Variants in SAMD5 observed in about 807,000 individuals in gnomAD.
SAMD5 encodes sterile alpha motif domain-containing protein 5.
Under a neutral mutation model 11.3 loss-of-function variants are expected in SAMD5, and 13 were observed. The ratio of observed to expected loss-of-function variants is 1.15; its 90% CI spans 0.75 to 1.83. The LOEUF is 1.83. SAMD5 is among the 40% of genes most tolerant of loss of function. SAMD5 has a pLI of 0.00. For synonymous variants in SAMD5, 129 were observed against 111.3 expected (o/e 1.16, Z -1.00); for missense variants, 255 against 239.1 (o/e 1.07, Z -0.44).
chr6:147,633,523 C>A (rs1181510011), intron 1 of SAMD5, among the ~76,000 whole-genome samples: 2 of 152,074 alleles, frequency 1.3e-5, no homozygotes, highest in Non-Finnish European at 2.9e-5. Flanking sequence ...AGGGAGGAAG[C>A]TTATACCACC....
chr6:147,905,747 T>TA, the SAMD5 span, among the ~76,000 whole-genome samples: 1 of 152,192 alleles, frequency 6.6e-6, no homozygotes, highest in Non-Finnish European at 1.5e-5. Context: ...GAAGGGTAAA[T>TA]ACCAACTTTT....
chr6:147,626,935 T>C (rs942666842), intron 1 of SAMD5, among the ~76,000 whole-genome samples: 5 of 152,192 alleles, frequency 3.3e-5, no homozygotes, highest in Non-Finnish European at 7.3e-5. Context: ...TGTTATTCTA[T>C]TCCTCTTCTT....
intron 1 of SAMD5, among the ~76,000 whole-genome samples, chr6:147,511,020 G>A (rs538563): frequency 0.47 from 71,134 of 152,072 alleles, 19,140 homozygotes; most frequent in African/African-American, 0.75. Flanking sequence ...TTAGCATCCC[G>A]GGAAGTAAGG....
At chr6:147,521,189 T>C (rs1788247935) in intron 1 of SAMD5, among the ~76,000 whole-genome samples, 1 of 152,134 alleles carries the variant, frequency 6.6e-6, no homozygotes, top group Admixed American at 6.5e-5. Context: ...TCATCATTCT[T>C]TGAATTACAT....
chr6:147,772,920 G>C, the SAMD5 span, among the ~76,000 whole-genome samples: 4 of 152,140 alleles, frequency 2.6e-5, no homozygotes, highest in South Asian at 8.3e-4. Context: ...TGATGACATA[G>C]GCAGTAAGTA....
At chr6:147,698,110 C>T (rs1237991865) in intron 1 of SAMD5, among the ~76,000 whole-genome samples, 1 of 152,144 alleles carries the variant, frequency 6.6e-6, no homozygotes, top group African/African-American at 2.4e-5. Context: ...CTTATGCTGC[C>T]ACTGATCCAA....
chr6:147,536,168 G>A (rs1027289394), intron 1 of SAMD5, among the ~76,000 whole-genome samples: 3 of 152,012 alleles, frequency 2.0e-5, no homozygotes, highest in Admixed American at 2.0e-4. Context: ...TATTTTTAGT[G>A]CAGACGGGAT....
At chr6:147,520,760 G>A (rs1788241364) in intron 1 of SAMD5, among the ~76,000 whole-genome samples, 1 of 152,072 alleles carries the variant, frequency 6.6e-6, no homozygotes, top group South Asian at 2.1e-4. Context: ...AATAAAAAGT[G>A]TATATATTTT....
intron 1 of SAMD5, among the ~76,000 whole-genome samples, chr6:147,670,726 C>T (rs1790783390): frequency 6.6e-6 from 1 of 152,220 alleles, no homozygotes; most frequent in South Asian, 2.1e-4. Flanking sequence ...TAGAGCCCTG[C>T]TTTGAATTAG....
the SAMD5 span, among the ~76,000 whole-genome samples, chr6:147,910,352 G>C: frequency 1.3e-5 from 2 of 152,152 alleles, no homozygotes; most frequent in African/African-American, 4.8e-5. Context: ...ACTTGCAAAG[G>C]GGTTGGCAAG....
the SAMD5 span, among the ~76,000 whole-genome samples, chr6:147,810,635 G>C: frequency 6.6e-6 from 1 of 152,174 alleles, no homozygotes; most frequent in Non-Finnish European, 1.5e-5. Flanking sequence ...CCTTTTAAGA[G>C]GAACAAATAG....
chr6:147,816,295 AAAAAAAATATATATAT>A, the SAMD5 span, among the ~76,000 whole-genome samples: 2 of 89,568 alleles, frequency 2.2e-5, no homozygotes, highest in African/African-American at 1.2e-4. Context: ...AAAAAAAAAA[AAAAAAAATATATATAT>A]ATATATATAT....
At chr6:147,511,889 T>G (rs1490326743) in intron 1 of SAMD5, among the ~76,000 whole-genome samples, 1 of 152,228 alleles carries the variant, frequency 6.6e-6, no homozygotes, top group African/African-American at 2.4e-5. Context: ...ACTTTTTCTT[T>G]TCTTGTGTGA....
At chr6:147,556,650 A>G (rs1171298436) in intron 1 of SAMD5, among the ~76,000 whole-genome samples, 3 of 152,242 alleles carry the variant, frequency 2.0e-5, no homozygotes, top group Non-Finnish European at 2.9e-5. Flanking sequence ...GTGACTTTTC[A>G]TTATATAGTT....
At chr6:147,835,974 G>T in the SAMD5 span, among the ~76,000 whole-genome samples, 1 of 152,142 alleles carries the variant, frequency 6.6e-6, no homozygotes, top group Non-Finnish European at 1.5e-5. Context: ...TTCAATTACT[G>T]TTCACATTAG....
intron 1 of SAMD5, among the ~76,000 whole-genome samples, chr6:147,655,708 C>T (rs1790555097): frequency 6.6e-6 from 1 of 152,202 alleles, no homozygotes; most frequent in Non-Finnish European, 1.5e-5. Flanking sequence ...AAACTCTTCA[C>T]ATCTTATGTC....
intron 1 of SAMD5, among the ~76,000 whole-genome samples, chr6:147,663,791 C>CAAAAAAAAA (rs199707045): frequency 2.4e-5 from 2 of 83,086 alleles, no homozygotes; most frequent in Non-Finnish European, 4.2e-5. Context: ...AACTCTGTCT[C>CAAAAAAAAA]AAAAAAAAAA....
At chr6:147,901,946 C>T in the SAMD5 span, among the ~76,000 whole-genome samples, 2 of 152,152 alleles carry the variant, frequency 1.3e-5, no homozygotes, top group African/African-American at 4.8e-5. Context: ...TCAGCCCTAA[C>T]ATGATACTTA....
At chr6:147,811,121 G>T in the SAMD5 span, among the ~76,000 whole-genome samples, 203 of 152,232 alleles carry the variant, frequency 1.3e-3, no homozygotes, top group African/African-American at 4.6e-3. Context: ...TACAATGTTC[G>T]GCATATAGTA....
Sources: allele counts gnomAD v4.1 joint callset (sites outside exome capture counted in the v4.1 genomes callset), GRCh38; gene constraint gnomAD v4.1.1; transcripts MANE v1.5; gene names NCBI Gene and HGNC (gene_info 2026-07-23, HGNC 2026-07-21).